HPSE2: variants seen among roughly 807,000 people sequenced by gnomAD.
HPSE2 encodes inactive heparanase-2.
In HPSE2, 38 loss-of-function variants were observed where a neutral mutation model predicts 60.5. That is an observed-to-expected ratio of 0.63 (90% CI 0.48 to 0.82). The LOEUF (loss-of-function observed/expected upper bound fraction) is 0.82. Ranked by LOEUF, HPSE2 falls within the 40% of genes least tolerant of loss-of-function variation. The pLI is 0.00. For missense variants in HPSE2, 713 were observed against 740.4 expected (o/e 0.96, Z 0.43); for synonymous variants, 295 against 293.2 (o/e 1.01, Z -0.06).
chr10:99,103,214 G>A (rs1844087200), intron 3 of HPSE2, among the ~76,000 whole-genome samples: 2 of 152,188 alleles, frequency 1.3e-5, no homozygotes, highest in Non-Finnish European at 1.5e-5. Context: ...CAGATGACAT[G>A]ATTGTATATC....
intron 3 of HPSE2, among the ~76,000 whole-genome samples, chr10:99,087,814 G>C (rs1018116535): frequency 6.6e-6 from 1 of 151,876 alleles, no homozygotes; most frequent in Non-Finnish European, 1.5e-5. Context: ...TTTATTTCAC[G>C]GTCTAAATAT....
chr10:99,289,370 C>G, the HPSE2 span, among the ~76,000 whole-genome samples: 7 of 150,860 alleles, frequency 4.6e-5, no homozygotes, highest in South Asian at 1.0e-3. Context: ...TTTTTTGGAA[C>G]TTTCTTCTTC....
chr10:98,934,603 C>T (rs1216692293), intron 3 of HPSE2, among the ~76,000 whole-genome samples: 2 of 144,126 alleles, frequency 1.4e-5, no homozygotes, highest in African/African-American at 5.6e-5. Context: ...TGAACATTGG[C>T]CCCCAATTTC....
intron 3 of HPSE2, among the ~76,000 whole-genome samples, chr10:98,850,629 C>A (rs913408799): frequency 6.7e-6 from 1 of 148,234 alleles, no homozygotes; most frequent in South Asian, 2.2e-4. Flanking sequence ...CCCAGCTACT[C>A]GGGAGGCTGA....
chr10:98,875,465 A>C (rs1406284813), intron 3 of HPSE2, among the ~76,000 whole-genome samples: 2 of 152,090 alleles, frequency 1.3e-5, no homozygotes, highest in African/African-American at 4.8e-5. Context: ...CATCCTCCCA[A>C]GACTAAACCA....
chr10:98,880,267 G>A (rs1952986845), intron 3 of HPSE2, among the ~76,000 whole-genome samples: 1 of 151,878 alleles, frequency 6.6e-6, no homozygotes, highest in Admixed American at 6.6e-5. Context: ...ACTCCTTTAG[G>A]TTGCCACGGT....
intron 2 of HPSE2, among the ~76,000 whole-genome samples, chr10:99,177,772 T>A (rs532354936): frequency 6.6e-6 from 1 of 152,202 alleles, no homozygotes; most frequent in East Asian, 1.9e-4. Flanking sequence ...CCAAGCGACC[T>A]GATAGACATC....
At chr10:98,671,619 C>T (rs1947509679) in intron 6 of HPSE2, among the ~76,000 whole-genome samples, 1 of 152,218 alleles carries the variant, frequency 6.6e-6, no homozygotes, top group Non-Finnish European at 1.5e-5. Context: ...TTCACCCCCG[C>T]CCCTTGTGGG....
chr10:99,252,060 CA>C, the HPSE2 span, among the ~76,000 whole-genome samples: 4 of 151,688 alleles, frequency 2.6e-5, no homozygotes, highest in Non-Finnish European at 5.9e-5. Context: ...TACATACAAA[CA>C]AAAAACATAT....
rs1589982422 is a variant in HPSE2 at position 98,871,338 on chromosome 10, A to G, written c.611-127282T>C. On this transcript the variant is annotated intron_variant, in intron 3 of 11. Coordinates refer to ENST00000370552, the MANE Select transcript of HPSE2 (RefSeq NM_021828.5). ...AAAGTACAGCTAGGAGGTGCACCCA[A>G]ATGGGTCCTTACCCTCTCATAGGGA... 2.0e-5 allele frequency among the ~76,000 whole-genome samples: 3 copies of G among 152,018 alleles called. No individual in the cohort carries two copies. In the South Asian group the frequency reaches 6.2e-4, roughly 32 times the overall value.
intron 3 of HPSE2, among the ~76,000 whole-genome samples, chr10:98,751,536 C>T (rs1343312083): frequency 1.3e-5 from 2 of 152,112 alleles, no homozygotes; most frequent in African/African-American, 4.8e-5. Context: ...TGGTTAAGAA[C>T]TTGGGCACAT....
chr10:98,492,233 T>G (rs2133684288), intron 9 of HPSE2, among the ~76,000 whole-genome samples: 1 of 152,336 alleles, frequency 6.6e-6, no homozygotes, highest in African/African-American at 2.4e-5. Flanking sequence ...ATGTTTACGG[T>G]GGCTCACGCC....
chr10:99,241,210 C>G, the HPSE2 span, among the ~76,000 whole-genome samples: 1 of 152,140 alleles, frequency 6.6e-6, no homozygotes, highest in Non-Finnish European at 1.5e-5. Flanking sequence ...ACACAAGTGG[C>G]TAAAGTATTG....
intron 3 of HPSE2, among the ~76,000 whole-genome samples, chr10:99,087,958 A>C: frequency 6.7e-6 from 1 of 149,308 alleles, no homozygotes. Flanking sequence ...TAATTCCTGA[A>C]CCCCCCCTTC....
intron 2 of HPSE2, among the ~76,000 whole-genome samples, chr10:99,214,882 A>T (rs1268228081): frequency 4.4e-4 from 67 of 152,228 alleles, no homozygotes; most frequent in Non-Finnish European, 1.5e-5. Flanking sequence ...TCAAAACCAC[A>T]ATGAGATACC....
the HPSE2 span, among the ~76,000 whole-genome samples, chr10:99,240,931 T>C: frequency 1.3e-5 from 2 of 152,174 alleles, no homozygotes; most frequent in African/African-American, 2.4e-5. Context: ...AGCATGAAGA[T>C]ATAACAGCCA....
At chr10:99,047,228 C>A (rs1159392283) in intron 3 of HPSE2, among the ~76,000 whole-genome samples, 1 of 152,072 alleles carries the variant, frequency 6.6e-6, no homozygotes, top group African/African-American at 2.4e-5. Flanking sequence ...GGGAAAGGAA[C>A]TCCTATTTGA....
chr10:99,186,403 C>G (rs955470989), intron 2 of HPSE2, among the ~76,000 whole-genome samples: 2 of 151,420 alleles, frequency 1.3e-5, no homozygotes, highest in Admixed American at 1.3e-4. Context: ...ATTAGTCAGG[C>G]GTGGTGTCAG....
intron 9 of HPSE2, among the ~76,000 whole-genome samples, chr10:98,537,992 C>A (rs115559370): frequency 6.6e-6 from 1 of 152,242 alleles, no homozygotes; most frequent in Non-Finnish European, 1.5e-5. Context: ...AAAACACTGA[C>A]GTATGCTGCC....
Sources: gnomAD v4.1 joint callset for allele counts (sites outside exome capture counted in the v4.1 genomes callset) on GRCh38, gnomAD v4.1.1 for gene constraint, MANE v1.5 for transcripts, NCBI Gene and HGNC (gene_info 2026-07-23, HGNC 2026-07-21) for gene names.